ATP6V0A4: variants seen among roughly 807,000 people sequenced by gnomAD.
ATP6V0A4 encodes the protein ATPase H+ transporting V0 subunit a4.
Under a neutral mutation model 107.3 loss-of-function variants are expected in ATP6V0A4, and 86 were observed. The observed-to-expected ratio is 0.80, with a 90% CI of 0.67 to 0.96. The LOEUF (loss-of-function observed/expected upper bound fraction) is 0.96. Ranked by LOEUF, ATP6V0A4 falls within the 40% of genes least tolerant of loss-of-function variation. The probability of loss-of-function intolerance (pLI) is 0.00; values close to 1 mark genes in which losing one functional copy is unlikely to be tolerated. For missense variants in ATP6V0A4, 908 were observed against 1,045.6 expected, an observed-to-expected ratio of 0.87 and a Z score of 1.81; for synonymous variants, 353 against 381.4, an observed-to-expected ratio of 0.93 and a Z score of 0.87.
At chr7:138,752,950 C>G in intron 10 of ATP6V0A4, 113 bp from the exon 11 acceptor site, 2 of 1,538,100 alleles carry the variant, frequency 1.3e-6, no homozygotes, top group South Asian at 2.4e-5. Flanking sequence ...TGGCAGGCTC[C>G]TTTGACCTGT....
chr7:138,745,259 C>A lies in ATP6V0A4; in HGVS notation c.1342G>T (p.Gly448Trp). 6.2e-7 allele frequency: 1 copy of A among 1,614,024 alleles called. No individual in the cohort carries two copies. Residue 448 changes from glycine to tryptophan, a missense_variant, in exon 14 of 22, where the codon GGG becomes TGG. Physicochemically the swap from Gly to Trp is radical, Grantham distance 184 (BLOSUM62 -2). Coordinates refer to ENST00000310018, the MANE Select transcript of ATP6V0A4 (RefSeq NM_020632.3). The stretch of plus-strand genomic sequence containing the variant: ...CCCATAAGTAGGATCAGATAGCGCC[C>A]GTGGAAGAAGGTGTTCCAAATCTGG... ...DNEIWNTFFHGRYLILLMGIF... is the reference protein window; with the variant it reads ...DNEIWNTFFHWRYLILLMGIF...
intron 19 of ATP6V0A4, among the ~76,000 whole-genome samples, chr7:138,718,832 TG>T (rs1254606378): frequency 6.6e-6 from 1 of 152,032 alleles, no homozygotes; most frequent in African/African-American, 2.4e-5. Context: ...GGGACAGGGA[TG>T]GGCAGAGATG....
At chr7:138,784,255 T>TATATATATATACATATATATACAC in intron 2 of ATP6V0A4, among the ~76,000 whole-genome samples, 1 of 28,868 alleles carries the variant, frequency 3.5e-5, no homozygotes, top group South Asian at 1.2e-3. Flanking sequence ...TATATATACA[T>TATATATATATACATATATATACAC]ATATATATAT....
chr7:138,714,164 T>C (rs1379456192), intron 20 of ATP6V0A4, among the ~76,000 whole-genome samples: 1 of 146,366 alleles, frequency 6.8e-6, no homozygotes, highest in Non-Finnish European at 1.5e-5. Flanking sequence ...TAGAATGACA[T>C]GAGCCTGGGA....
intron 8 of ATP6V0A4, among the ~76,000 whole-genome samples, chr7:138,759,509 C>G (rs1421373108): frequency 6.6e-6 from 1 of 152,020 alleles, no homozygotes; most frequent in Non-Finnish European, 1.5e-5. Flanking sequence ...AAAAGTATAG[C>G]TATGTCTCTG....
At chr7:138,781,060 G>T (rs1241320576) in intron 2 of ATP6V0A4, among the ~76,000 whole-genome samples, 1 of 152,200 alleles carries the variant, frequency 6.6e-6, no homozygotes, top group African/African-American at 2.4e-5. Context: ...GGTCCAATCA[G>T]TATATTGTCA....
In ATP6V0A4 at chr7:138,715,841, G is replaced by C; in HGVS notation, c.2180C>G (p.Thr727Ser). 1 of 1,613,866 alleles carries C rather than the reference G, an allele frequency of 6.2e-7. No homozygotes were observed. Among genetic ancestry groups the C allele is most frequent in the Non-Finnish European group, 8.5e-7 (1 of 1,179,778 alleles). ...GDVFVHQAIH[T>S]IEYCLGCISN... is the part of the protein sequence containing the mutation. ...AATGCAGCCCAGGCAGTACTCGATG[G>C]TGTGGATGGCTTGGTGGACAAAGAC... The change falls in exon 20 of 22, where the codon ACC becomes AGC. Residue 727 changes from threonine (T) to serine (S), a missense_variant. Thr to Ser is a moderately conservative substitution (Grantham distance 58). Coordinates refer to ENST00000310018, the MANE Select transcript of ATP6V0A4 (RefSeq NM_020632.3).
chr7:138,771,715 G>A (rs1222893950), intron 2 of ATP6V0A4, among the ~76,000 whole-genome samples: 1 of 152,164 alleles, frequency 6.6e-6, no homozygotes, highest in Non-Finnish European at 1.5e-5. Flanking sequence ...AACCTCCTGG[G>A]CTCAAGAGAT....
At chr7:138,771,054 C>T in intron 3 of ATP6V0A4, 77 bp downstream of exon 3, 2 of 1,367,736 alleles carry the variant, frequency 1.5e-6, no homozygotes, top group Non-Finnish European at 2.1e-6. Flanking sequence ...TTATTGTTCA[C>T]CATAAAGAAG....
At chr7:138,793,736 A>T (rs1808531999) in intron 1 of ATP6V0A4, among the ~76,000 whole-genome samples, 1 of 152,236 alleles carries the variant, frequency 6.6e-6, no homozygotes, top group Non-Finnish European at 1.5e-5. Context: ...GTATGTTTGG[A>T]AATTAAGAAA....
Position 138,756,539 on chromosome 7 carries a change from T to C in ATP6V0A4, c.641A>G (p.Lys214Arg). Residue 214 changes from lysine to arginine, a missense_variant and splice_region_variant, in exon 9 of 22, where the codon AAA becomes AGA. Coordinates refer to ENST00000310018, the MANE Select transcript of ATP6V0A4 (RefSeq NM_020632.3). Reference sequence around the variant, plus strand: ...GAATATGTTCTTCTGAATTTCTTCTTTCTGGAAAATCAGAATAAGTTAAAA... The same window carrying C: ...GAATATGTTCTTCTGAATTTCTTCTCTCTGGAAAATCAGAATAAGTTAAAA... ...MDAPLEDPVT[K>R]EEIQKNIFII... 6.2e-7 allele frequency: 1 copy of C among 1,609,266 alleles called. No homozygotes were observed. Among genetic ancestry groups the C allele is most frequent in the Non-Finnish European group, 8.5e-7 (1 of 1,178,696 alleles).
chr7:138,710,974 G>C (rs1803708773), intron 20 of ATP6V0A4, among the ~76,000 whole-genome samples: 1 of 152,116 alleles, frequency 6.6e-6, no homozygotes, highest in South Asian at 2.1e-4. Context: ...CTATAAATTA[G>C]GTTTTATGAT....
At chr7:138,790,618 C>G (rs968715707) in intron 1 of ATP6V0A4, among the ~76,000 whole-genome samples, 2 of 152,090 alleles carry the variant, frequency 1.3e-5, no homozygotes, top group Non-Finnish European at 2.9e-5. Context: ...TAATAGCTAC[C>G]CTTTATTTCA....
At position 138,759,744 on chromosome 7, in the gene ATP6V0A4, G is replaced by T. The variant is rs931263243; in HGVS notation, c.639+8C>A. 3.7e-6 allele frequency: 6 copies of T among 1,614,104 alleles called. No homozygotes were observed. The highest frequency in any genetic ancestry group is 4.2e-6 in the Non-Finnish European group (5 of 1,180,028). ...TCAGAGAAAGTTTTTGCAGCCCAAG[G>T]TTCCCACCGTCACAGGATCCTCCAG... On this transcript the variant is annotated splice_region_variant and intron_variant, in intron 8 of 21. Coordinates refer to ENST00000310018, the MANE Select transcript of ATP6V0A4 (RefSeq NM_020632.3).
chr7:138,797,208 CTTTTT>C (rs3842142), intron 1 of ATP6V0A4, among the ~76,000 whole-genome samples: 30 of 96,110 alleles, frequency 3.1e-4, no homozygotes, highest in African/African-American at 1.2e-3. Context: ...ATGCCATTTT[CTTTTT>C]TTTTTTTTTT....
At chr7:138,755,963 G>A in intron 9 of ATP6V0A4, 181 bp from the exon 10 acceptor site, 1 of 1,118,816 alleles carries the variant, frequency 8.9e-7, no homozygotes, top group Non-Finnish European at 1.3e-6. Flanking sequence ...TACGTCACTT[G>A]TGCTGTGAAT....
intron 3 of ATP6V0A4, among the ~76,000 whole-genome samples, chr7:138,770,542 G>A (rs1413124659): frequency 6.6e-6 from 1 of 152,226 alleles, no homozygotes; most frequent in African/African-American, 2.4e-5. Flanking sequence ...CTTCCCTGCA[G>A]GAGCTTAGCT....
At chr7:138,753,128 A>T (rs1457258070) in intron 10 of ATP6V0A4, among the ~76,000 whole-genome samples, 1 of 152,212 alleles carries the variant, frequency 6.6e-6, no homozygotes, top group Non-Finnish European at 1.5e-5. Flanking sequence ...ACCTGTGAAT[A>T]TGGCCTTTTT....
At chr7:138,718,486 A>C in intron 19 of ATP6V0A4, among the ~76,000 whole-genome samples, 2 of 118,108 alleles carry the variant, frequency 1.7e-5, no homozygotes, top group East Asian at 2.8e-4. Flanking sequence ...GGGAGGGTGC[A>C]GTCACGGAGG....
Sources: gnomAD v4.1 joint callset for allele counts (sites outside exome capture counted in the v4.1 genomes callset) on GRCh38, gnomAD v4.1.1 for gene constraint, MANE v1.5 for transcripts, NCBI Gene and HGNC (gene_info 2026-07-23, HGNC 2026-07-21) for gene names.